AKAP9: variants seen among roughly 807,000 people sequenced by gnomAD.
The protein encoded by AKAP9 is A-kinase anchoring protein 9.
Under a neutral mutation model 488.5 loss-of-function variants are expected in AKAP9, and 311 were observed. That is an observed-to-expected ratio of 0.64 (90% CI 0.58 to 0.70). AKAP9 has a LOEUF of 0.70. Ranked by LOEUF, AKAP9 falls within the 30% of genes least tolerant of loss-of-function variation. The probability of loss-of-function intolerance (pLI) is 0.00; values close to 1 mark genes in which losing one functional copy is unlikely to be tolerated. For synonymous variants in AKAP9, 1,462 were observed against 1,483.5 expected (o/e 0.99, Z 0.33); for missense variants, 4,215 against 4,374.5 (o/e 0.96, Z 1.03).
intron 2 of AKAP9, 57 bp from the exon 3 acceptor site, chr7:91,980,232 G>GT: frequency 1.9e-6 from 2 of 1,067,328 alleles, no homozygotes; most frequent in Non-Finnish European, 2.9e-6. Flanking sequence ...GTTTAGTAAA[G>GT]TATGATATTT....
At position 92,028,934 on chromosome 7, in the gene AKAP9, A is replaced by T. The variant is rs1396364959; in HGVS notation, c.4149-961A>T. ...AATGGCCATCATTAGGGGTTTAGTT[A>T]TATAAGTTATGAAATGGGATGATGA... On this transcript the variant is annotated intron_variant, in intron 14 of 49. Coordinates refer to ENST00000356239, the MANE Select transcript of AKAP9 (RefSeq NM_005751.5). Among the ~76,000 whole-genome samples, 3 of 152,162 alleles carry T rather than the reference A, an allele frequency of 2.0e-5. No individual in the cohort carries two copies. In the East Asian group the frequency reaches 5.8e-4, roughly 29 times the overall value.
At chr7:92,009,161 A>G (rs1192212136) in intron 8 of AKAP9, among the ~76,000 whole-genome samples, 1 of 151,926 alleles carries the variant, frequency 6.6e-6, no homozygotes, top group Admixed American at 6.6e-5. Flanking sequence ...CTCCACAAAA[A>G]ATTAAAAAAT....
At chr7:92,007,629 G>C (rs1198186601) in intron 8 of AKAP9, among the ~76,000 whole-genome samples, 1 of 152,132 alleles carries the variant, frequency 6.6e-6, no homozygotes, top group Non-Finnish European at 1.5e-5. Context: ...AAAAACCCAG[G>C]TTATCTCTAG....
chr7:92,053,156 G>A lies in AKAP9; in HGVS notation c.5601+198G>A, dbSNP rs145528690. Among the ~76,000 whole-genome samples, 32 of 152,264 alleles carry A rather than the reference G, an allele frequency of 2.1e-4. No homozygotes were observed. The East Asian group carries it at 5.8e-3, about 27-fold the overall frequency. On this transcript the variant is annotated intron_variant, in intron 22 of 49. Coordinates refer to ENST00000356239, the MANE Select transcript of AKAP9 (RefSeq NM_005751.5). The stretch of plus-strand genomic sequence containing the variant: ...ATGATTCTATACTGAATTCCTACAT[G>A]ATCCTGCTTTTGTTTTGTTTTGGTT...
intron 16 of AKAP9, 103 bp downstream of exon 16, chr7:92,031,707 T>C: frequency 1.1e-6 from 1 of 898,620 alleles, no homozygotes; most frequent in East Asian, 2.5e-5. Flanking sequence ...ATAAGTTTCA[T>C]ATATAGTTCA....
intron 9 of AKAP9, 109 bp downstream of exon 9, chr7:92,012,751 G>A: frequency 1.1e-6 from 1 of 884,780 alleles, no homozygotes; most frequent in Non-Finnish European, 1.8e-6. Flanking sequence ...AAGGTGATTT[G>A]TTTACCAGTT....
chr7:92,088,334 T>C (rs1278653961), intron 37 of AKAP9, among the ~76,000 whole-genome samples: 1 of 152,138 alleles, frequency 6.6e-6, no homozygotes, highest in Non-Finnish European at 1.5e-5. Context: ...ACACTACATC[T>C]ATCAAAATAA....
chr7:91,955,559 G>T (rs1792882020), intron 1 of AKAP9, among the ~76,000 whole-genome samples: 1 of 152,146 alleles, frequency 6.6e-6, no homozygotes, highest in Admixed American at 6.5e-5. Context: ...TTTGCCTTTT[G>T]TTCAGTATCA....
At chr7:92,012,231 G>A (rs1800841465) in intron 8 of AKAP9, among the ~76,000 whole-genome samples, 198 bp from the exon 9 acceptor site, 1 of 152,152 alleles carries the variant, frequency 6.6e-6, no homozygotes, top group Non-Finnish European at 1.5e-5. Context: ...GTATAAAACT[G>A]AGGTAATGAA....
chr7:92,083,170 G>T lies in AKAP9; in HGVS notation c.8161G>T (p.Val2721Leu). ...KAEKLQEELL[V>L]KETNMTSLQK... ...TACTGTTCTATTCATTACGTTTTAG[G>T]TAAAAGAAACAAATATGACATCTCT... Residue 2721 changes from valine (V) to leucine (L), a missense_variant and splice_region_variant, in exon 33 of 50, where the codon GTA (valine) becomes TTA (leucine). Coordinates refer to ENST00000356239, the MANE Select transcript of AKAP9 (RefSeq NM_005751.5). 1 of 1,613,714 alleles carries T rather than the reference G, an allele frequency of 6.2e-7. No homozygotes were observed. The highest frequency in any genetic ancestry group is 8.5e-7 in the Non-Finnish European group (1 of 1,179,842).
chr7:91,974,810 T>C (rs1393875315), intron 2 of AKAP9, among the ~76,000 whole-genome samples: 1 of 152,160 alleles, frequency 6.6e-6, no homozygotes, highest in Non-Finnish European at 1.5e-5. Context: ...CACATTTGTT[T>C]TGTTAAATAT....
chr7:91,984,775 T>C (rs1430401980), intron 3 of AKAP9, among the ~76,000 whole-genome samples: 3 of 152,198 alleles, frequency 2.0e-5, no homozygotes, highest in Non-Finnish European at 2.9e-5. Flanking sequence ...ATGGAATGCT[T>C]TTCCATTTGT....
At chr7:91,963,320 A>C (rs1244985389) in intron 1 of AKAP9, among the ~76,000 whole-genome samples, 1 of 152,168 alleles carries the variant, frequency 6.6e-6, no homozygotes, top group African/African-American at 2.4e-5. Flanking sequence ...AAAAAATTTA[A>C]ATATAATTTA....
chr7:92,037,638 T>C (rs1805410068), intron 16 of AKAP9, among the ~76,000 whole-genome samples: 1 of 152,176 alleles, frequency 6.6e-6, no homozygotes, highest in African/African-American at 2.4e-5. Flanking sequence ...GAGGCTAGAA[T>C]AAGCAGGGAT....
chr7:92,040,543 A>G, intron 17 of AKAP9, 131 bp from the exon 18 acceptor site: 4 of 658,332 alleles, frequency 6.1e-6, no homozygotes, highest in Non-Finnish European at 1.0e-5. Flanking sequence ...TTGTTTAATA[A>G]TAAAATATCA....
chr7:91,964,596 T>C (rs893317734), intron 1 of AKAP9, among the ~76,000 whole-genome samples: 14 of 152,050 alleles, frequency 9.2e-5, no homozygotes, highest in Admixed American at 3.9e-4. Flanking sequence ...CCTAAATCTA[T>C]AAAAATAAAA....
chr7:91,962,961 C>G (rs1408458129), intron 1 of AKAP9, among the ~76,000 whole-genome samples: 1 of 152,076 alleles, frequency 6.6e-6, no homozygotes, highest in African/African-American at 2.4e-5. Flanking sequence ...TTCACCTTTG[C>G]CCTGATATAT....
At chr7:92,043,874 CT>C (rs1158613491) in intron 20 of AKAP9, among the ~76,000 whole-genome samples, 5 of 152,150 alleles carry the variant, frequency 3.3e-5, no homozygotes, top group African/African-American at 1.2e-4. Context: ...AAAGATAAAA[CT>C]GTCTTAAGGC....
intron 1 of AKAP9, among the ~76,000 whole-genome samples, chr7:91,963,962 A>G (rs969092152): frequency 2.0e-5 from 3 of 152,102 alleles, no homozygotes; most frequent in Non-Finnish European, 4.4e-5. Context: ...AAGCACAACA[A>G]AGCTTACACC....
Sources: gnomAD v4.1 joint callset for allele counts (sites outside exome capture counted in the v4.1 genomes callset) on GRCh38, gnomAD v4.1.1 for gene constraint, MANE v1.5 for transcripts, NCBI Gene and HGNC (gene_info 2026-07-23, HGNC 2026-07-21) for gene names.